Variants in RGS7 observed in about 807,000 individuals in gnomAD.
RGS7 encodes the protein regulator of G protein signaling 7.
Under a neutral mutation model 81.1 loss-of-function variants are expected in RGS7, and 27 were observed. The observed-to-expected ratio is 0.33, with a 90% CI of 0.25 to 0.46. The LOEUF (loss-of-function observed/expected upper bound fraction) is 0.46, where lower values mean the gene tolerates loss of function less well. RGS7 is among the 20% of genes least tolerant of loss of function. The pLI, the probability that RGS7 is intolerant of heterozygous loss-of-function variation, is 1.00. For missense variants in RGS7, 396 were observed against 607.4 expected (o/e 0.65, Z 3.66); for synonymous variants, 208 against 207.7 (o/e 1.00, Z -0.01).
At chr1:240,928,192 T>C in intron 6 of RGS7, among the ~76,000 whole-genome samples, 1 of 152,226 alleles carries the variant, frequency 6.6e-6, no homozygotes, top group East Asian at 1.9e-4. Context: ...ACCCTGGGTC[T>C]GGAAGGTTGT....
chr1:241,060,215 A>G (rs1027659580), intron 3 of RGS7, among the ~76,000 whole-genome samples: 15 of 152,358 alleles, frequency 9.8e-5, no homozygotes, highest in African/African-American at 3.6e-4. Context: ...TCTAACAACT[A>G]TTAAATAGTA....
chr1:240,804,097 T>C (rs915681721), intron 15 of RGS7, among the ~76,000 whole-genome samples: 1 of 152,186 alleles, frequency 6.6e-6, no homozygotes, highest in Non-Finnish European at 1.5e-5. Context: ...ATTCACATTC[T>C]ACCTTGCTCA....
intron 6 of RGS7, among the ~76,000 whole-genome samples, chr1:240,895,437 C>CT (rs771223083): frequency 5.9e-5 from 9 of 152,056 alleles, no homozygotes; most frequent in Middle Eastern, 3.4e-3. Context: ...ATCCCTCCCC[C>CT]CTCCTCCACC....
At chr1:240,947,534 G>A (rs1407129685) in intron 4 of RGS7, among the ~76,000 whole-genome samples, 1 of 151,922 alleles carries the variant, frequency 6.6e-6, no homozygotes, top group African/African-American at 2.4e-5. Flanking sequence ...CCCATTCACC[G>A]ACTCCAGTCC....
intron 18 of RGS7, among the ~76,000 whole-genome samples, chr1:240,793,604 TA>T (rs1553303659): frequency 0.42 from 39,113 of 93,032 alleles, 8,870 homozygotes; most frequent in Non-Finnish European, 0.51. Context: ...TATATATATA[TA>T]TATATATTTT....
At chr1:240,932,092 A>C (rs567919235) in intron 5 of RGS7, among the ~76,000 whole-genome samples, 1 of 152,324 alleles carries the variant, frequency 6.6e-6, no homozygotes, top group East Asian at 1.9e-4. Context: ...CCCCTCTAGA[A>C]GAGAGACTCT....
chr1:241,039,519 A>G (rs1023081183), intron 3 of RGS7, among the ~76,000 whole-genome samples: 1 of 152,112 alleles, frequency 6.6e-6, no homozygotes, highest in Non-Finnish European at 1.5e-5. Context: ...TGGAAACCAG[A>G]AGGTAGATTT....
At chr1:240,852,612 T>C (rs1246658072) in intron 9 of RGS7, among the ~76,000 whole-genome samples, 1 of 152,156 alleles carries the variant, frequency 6.6e-6, no homozygotes, top group Non-Finnish European at 1.5e-5. Flanking sequence ...CTAACTGTTA[T>C]TATCTACTGC....
At chr1:241,063,912 G>A (rs574239486) in intron 3 of RGS7, among the ~76,000 whole-genome samples, 150 of 152,234 alleles carry the variant, frequency 9.9e-4, no homozygotes, top group Middle Eastern at 6.8e-3. Context: ...AGCCGGGCGC[G>A]GTGGCTCACG....
chr1:240,984,342 G>C (rs961928263), intron 3 of RGS7, among the ~76,000 whole-genome samples: 3 of 152,086 alleles, frequency 2.0e-5, no homozygotes, highest in African/African-American at 7.2e-5. Flanking sequence ...TGCAATCCAA[G>C]GATGAAGGGA....
intron 2 of RGS7, among the ~76,000 whole-genome samples, chr1:241,302,224 G>C (rs763622878): frequency 2.3e-4 from 35 of 152,192 alleles, no homozygotes; most frequent in Non-Finnish European, 4.4e-4. Context: ...ACAAAGTGAA[G>C]GGGGAGGATC....
intron 9 of RGS7, 130 bp from the exon 10 acceptor site, chr1:240,827,302 C>G: frequency 1.3e-6 from 1 of 751,724 alleles, no homozygotes; most frequent in Non-Finnish European, 2.4e-6. Flanking sequence ...GAGGTGTTTT[C>G]TAGATGGCCA....
At chr1:241,062,300 T>C (rs970262725) in intron 3 of RGS7, among the ~76,000 whole-genome samples, 26 of 152,092 alleles carry the variant, frequency 1.7e-4, no homozygotes, top group Non-Finnish European at 3.4e-4. Flanking sequence ...ACATCCCATC[T>C]CTCTTTGCTT....
chr1:241,089,866 C>A (rs1246574853), intron 3 of RGS7, among the ~76,000 whole-genome samples: 2 of 151,606 alleles, frequency 1.3e-5, no homozygotes, highest in African/African-American at 4.8e-5. Context: ...ATTAGCCGGG[C>A]GCCTGTAGTC....
intron 2 of RGS7, chr1:241,305,759 T>A: frequency 4.2e-6 from 1 of 239,758 alleles, no homozygotes; most frequent in Non-Finnish European, 8.3e-6. Flanking sequence ...GCCACACACC[T>A]CTCGGGGCAT....
chr1:241,117,202 C>T (rs985596321), intron 2 of RGS7, among the ~76,000 whole-genome samples: 4 of 152,190 alleles, frequency 2.6e-5, no homozygotes, highest in African/African-American at 9.7e-5. Flanking sequence ...AAAGACATAT[C>T]ATACTGACTA....
chr1:241,074,555 C>G (rs1381668904), intron 3 of RGS7, among the ~76,000 whole-genome samples: 1 of 152,238 alleles, frequency 6.6e-6, no homozygotes, highest in Non-Finnish European at 1.5e-5. Context: ...GTACTGGCTT[C>G]ACGTTCAGAC....
intron 2 of RGS7, among the ~76,000 whole-genome samples, chr1:241,332,976 G>T (rs770485053): frequency 5.8e-4 from 88 of 152,196 alleles, no homozygotes; most frequent in Non-Finnish European, 8.8e-4. Context: ...TCACAATGAT[G>T]AACAGTGATG....
intron 3 of RGS7, among the ~76,000 whole-genome samples, chr1:241,054,757 A>G (rs550050354): frequency 6.6e-6 from 1 of 152,288 alleles, no homozygotes; most frequent in East Asian, 1.9e-4. Context: ...TCTTGCCCAT[A>G]TCTGATTTGT....
Sources: allele counts gnomAD v4.1 joint callset (sites outside exome capture counted in the v4.1 genomes callset), GRCh38; gene constraint gnomAD v4.1.1; transcripts MANE v1.5; gene names NCBI Gene and HGNC (gene_info 2026-07-23, HGNC 2026-07-21).